The following STK32B variants were observed in gnomAD, a reference collection of about 807,000 sequenced individuals.
The protein encoded by STK32B is serine/threonine kinase 32B.
A neutral mutation model predicts 52.6 loss-of-function variants in STK32B; 43 were observed. That is an observed-to-expected ratio of 0.82 (90% CI 0.64 to 1.05). The LOEUF (loss-of-function observed/expected upper bound fraction) is 1.05, where lower values mean the gene tolerates loss of function less well. Ranked by LOEUF, STK32B falls within the 50% of genes least tolerant of loss-of-function variation. The pLI is 0.00. For missense variants in STK32B, 621 were observed against 534.6 expected (o/e 1.16, Z -1.59); for synonymous variants, 238 against 204.3 (o/e 1.17, Z -1.41).
At chr4:5,303,852 T>C (rs1427472504) in intron 3 of STK32B, among the ~76,000 whole-genome samples, 3 of 152,170 alleles carry the variant, frequency 2.0e-5, no homozygotes, top group Non-Finnish European at 4.4e-5. Flanking sequence ...GAGTTGATTT[T>C]TGTATAGGGT....
chr4:5,150,560 A>T (rs1031031285), intron 2 of STK32B, among the ~76,000 whole-genome samples: 1 of 148,278 alleles, frequency 6.7e-6, no homozygotes, highest in African/African-American at 2.4e-5. Flanking sequence ...TGGCAGGCAC[A>T]TGAATCTCAG....
chr4:5,035,692 G>A, the STK32B span, among the ~76,000 whole-genome samples: 33 of 152,130 alleles, frequency 2.2e-4, no homozygotes, highest in Non-Finnish European at 4.0e-4. Context: ...CATACTCAAC[G>A]AGCTGAAGGA....
At chr4:5,064,269 T>C (rs1373282995) in intron 1 of STK32B, among the ~76,000 whole-genome samples, 3 of 142,024 alleles carry the variant, frequency 2.1e-5, no homozygotes, top group East Asian at 2.1e-4. Context: ...AAAACATATA[T>C]GATATATATT....
chr4:5,311,793 T>C (rs940372826), intron 3 of STK32B, among the ~76,000 whole-genome samples: 1 of 152,016 alleles, frequency 6.6e-6, no homozygotes, highest in African/African-American at 2.4e-5. Context: ...CTTCTGAAAA[T>C]TAAATCAGGC....
rs1042348890 is a variant in STK32B at position 5,394,076 on chromosome 4, A to G, written c.435-4131A>G. Among the ~76,000 whole-genome samples, 1 of 152,230 alleles carries G rather than the reference A, an allele frequency of 6.6e-6. No homozygotes were observed. Among genetic ancestry groups the G allele is most frequent in the Non-Finnish European group, 1.5e-5 (1 of 68,042 alleles). ...CCCCCTGCCAAAAGACACATGCAGAAACATCCTGGTGGCCCTGCTTTGCAG... is the reference window on the plus strand; with the variant it reads ...CCCCCTGCCAAAAGACACATGCAGAGACATCCTGGTGGCCCTGCTTTGCAG... On this transcript the variant is annotated intron_variant, in intron 4 of 11. Transcript: ENST00000282908. The surrounding 1 kb of genome is among the most constrained non-coding windows in gnomAD (Gnocchi z 4.2).
chr4:5,327,796 T>C (rs1255617230), intron 3 of STK32B, among the ~76,000 whole-genome samples: 1 of 152,234 alleles, frequency 6.6e-6, no homozygotes, highest in Admixed American at 6.5e-5. Flanking sequence ...GCCTTTCCTT[T>C]GACCCTTTGA....
chr4:5,292,216 C>G (rs1290140307), intron 3 of STK32B, among the ~76,000 whole-genome samples: 1 of 152,112 alleles, frequency 6.6e-6, no homozygotes, highest in African/African-American at 2.4e-5. Flanking sequence ...TGAAGAGTCT[C>G]CAAATTGCTT....
chr4:5,091,057 A>G (rs1375365244), intron 1 of STK32B, among the ~76,000 whole-genome samples: 2 of 152,210 alleles, frequency 1.3e-5, no homozygotes, highest in African/African-American at 4.8e-5. Context: ...GAAAATTAAC[A>G]CCAATCGTTC....
chr4:5,255,559 C>T (rs557638894), intron 3 of STK32B, among the ~76,000 whole-genome samples: 4 of 152,050 alleles, frequency 2.6e-5, no homozygotes, highest in South Asian at 4.2e-4. Flanking sequence ...ATCAGAGGGT[C>T]CCTCATGCCT....
intron 3 of STK32B, among the ~76,000 whole-genome samples, chr4:5,177,920 T>C (rs1720052213): frequency 6.6e-6 from 1 of 152,204 alleles, no homozygotes; most frequent in South Asian, 2.1e-4. Context: ...TCCCAGCTGT[T>C]TTCACAGGCT....
intron 11 of STK32B, among the ~76,000 whole-genome samples, chr4:5,494,776 G>T (rs981768968): frequency 2.0e-5 from 3 of 152,186 alleles, no homozygotes; most frequent in Non-Finnish European, 4.4e-5. Flanking sequence ...GCCTGATGGT[G>T]ACAAAATCTC....
At chr4:5,087,260 A>T (rs1712783101) in intron 1 of STK32B, among the ~76,000 whole-genome samples, 1 of 152,058 alleles carries the variant, frequency 6.6e-6, no homozygotes, top group Non-Finnish European at 1.5e-5. Flanking sequence ...TTGAGATGCT[A>T]ATTATAATAC....
intron 1 of STK32B, among the ~76,000 whole-genome samples, chr4:5,052,175 C>T (rs149374832): frequency 1.3e-3 from 202 of 152,304 alleles, no homozygotes; most frequent in African/African-American, 4.6e-3. Flanking sequence ...AGAGTTGAAC[C>T]CGAAACCTGC....
At chr4:5,348,747 T>C (rs1252324139) in intron 4 of STK32B, among the ~76,000 whole-genome samples, 1 of 152,142 alleles carries the variant, frequency 6.6e-6, no homozygotes, top group Non-Finnish European at 1.5e-5. Context: ...CTGCCTACAA[T>C]AGGCAGTGTC....
intron 8 of STK32B, among the ~76,000 whole-genome samples, chr4:5,459,336 G>T (rs1378800344): frequency 1.3e-5 from 2 of 148,152 alleles, no homozygotes; most frequent in African/African-American, 2.5e-5. Context: ...GTCCCATTTG[G>T]TCTCATCCTA....
intron 2 of STK32B, among the ~76,000 whole-genome samples, chr4:5,157,953 A>G (rs1173579788): frequency 6.6e-6 from 1 of 152,192 alleles, no homozygotes; most frequent in Non-Finnish European, 1.5e-5. Context: ...GAAGGTTGGA[A>G]TCCATTTCTT....
intron 3 of STK32B, among the ~76,000 whole-genome samples, chr4:5,308,096 T>C (rs1730048181): frequency 1.3e-5 from 2 of 152,146 alleles, no homozygotes; most frequent in African/African-American, 4.8e-5. Flanking sequence ...TGGTTTTGTG[T>C]TGTTTAGCCT....
chr4:5,347,977 G>T (rs1395193584), intron 4 of STK32B, among the ~76,000 whole-genome samples: 1 of 152,188 alleles, frequency 6.6e-6, no homozygotes, highest in Non-Finnish European at 1.5e-5. Context: ...GAATAAGACA[G>T]AGAGGAAACA....
intron 4 of STK32B, among the ~76,000 whole-genome samples, chr4:5,354,225 G>T (rs866001444): frequency 2.2e-4 from 33 of 152,184 alleles, no homozygotes; most frequent in African/African-American, 6.8e-4. Context: ...GATGCCAGAG[G>T]CTGGAGAGGG....
Sources: allele counts gnomAD v4.1 joint callset (sites outside exome capture counted in the v4.1 genomes callset), GRCh38; gene constraint gnomAD v4.1.1; non-coding constraint Gnocchi (gnomAD v3.1); transcripts MANE v1.5; gene names NCBI Gene and HGNC (gene_info 2026-07-23, HGNC 2026-07-21).